Variants in NPL observed in about 807,000 individuals in gnomAD.
The protein encoded by NPL is N-acetylneuraminate pyruvate lyase, also known as N-acetylneuraminate lyase.
NPL carries 32 observed loss-of-function variants against 41.1 expected under a neutral mutation model. That is an observed-to-expected ratio of 0.78 (90% CI 0.59 to 1.05). NPL has a LOEUF of 1.05. Ranked by LOEUF, NPL falls within the 50% of genes least tolerant of loss-of-function variation. NPL has a pLI of 0.00. For synonymous variants in NPL, 128 were observed against 134.9 expected, an observed-to-expected ratio of 0.95 and a Z score of 0.35; for missense variants, 321 against 378.4, an observed-to-expected ratio of 0.85 and a Z score of 1.26.
intron 1 of NPL, among the ~76,000 whole-genome samples, chr1:182,791,094 C>A (rs1213018993): frequency 6.6e-6 from 1 of 152,134 alleles, no homozygotes; most frequent in Non-Finnish European, 1.5e-5. Flanking sequence ...CCAAAACCAC[C>A]CTGCTTAATA....
In NPL at chr1:182,818,834, A is replaced by C. The variant is rs150105454; in HGVS notation, c.628A>C (p.Met210Leu). 6.2e-7 allele frequency: 1 copy of C among 1,613,992 alleles called. No homozygotes were observed. Among genetic ancestry groups the C allele is most frequent in the African/African-American group, 1.3e-5 (1 of 74,898 alleles). Reference sequence around the variant, plus strand: ...TTAGCAACTGTTGAGTGCTCTGGTGATGGGAGCAACTGGAGCAGTGGGCAG... The same window carrying C: ...TTAGCAACTGTTGAGTGCTCTGGTGCTGGGAGCAACTGGAGCAGTGGGCAG... ...VDEQLLSALV[M>L]GATGAVGSTY... The change falls in exon 10 of 13, where the codon ATG becomes CTG. Residue 210 changes from methionine to leucine, a missense_variant. Physicochemically the swap from Met to Leu is conservative, Grantham distance 15 (BLOSUM62 2). Transcript: ENST00000367553.
chr1:182,814,793 C>A lies in NPL; in HGVS notation c.299C>A (p.Ala100Glu). Residue 100 changes from alanine (A) to glutamate (E), a missense_variant, in exon 7 of 13, where the codon GCA becomes GAA. By Grantham distance (107) the Ala-to-Glu change is moderately radical (BLOSUM62 -1). Coordinates refer to ENST00000367553, the MANE Select transcript of NPL (RefSeq NM_030769.3). ...LKESQELAQH[A>E]AEIGADGIAV... ...TTTCTTCCTTTAAAGGCCCAACATGCAGCAGAAATAGGAGCTGATGGCATC... is the reference window on the plus strand; with the variant it reads ...TTTCTTCCTTTAAAGGCCCAACATGAAGCAGAAATAGGAGCTGATGGCATC... 6.2e-7 allele frequency: 1 copy of A among 1,614,050 alleles called. No homozygotes were observed. The highest frequency in any genetic ancestry group is 1.1e-5 in the South Asian group (1 of 91,082).
At position 182,829,215 on chromosome 1, in the gene NPL, T is replaced by C; in HGVS notation, c.*307T>C. ...ATTAATTCCATCTGTCTTTAGGAGCTCTCATTATCTCGGTCTCTGGTTCCT... is the reference window on the plus strand; with the variant it reads ...ATTAATTCCATCTGTCTTTAGGAGCCCTCATTATCTCGGTCTCTGGTTCCT... On this transcript the variant is annotated 3_prime_UTR_variant, in exon 13 of 13. Coordinates refer to ENST00000367553, the MANE Select transcript of NPL (RefSeq NM_030769.3). 4 of 1,220,558 alleles carry C rather than the reference T, an allele frequency of 3.3e-6. No homozygotes were observed. Among genetic ancestry groups the C allele is most frequent in the Non-Finnish European group, 3.1e-6 (3 of 976,862 alleles). The allele number at this position is 1,220,558 out of a possible 1,614,324, so 75.6% of individuals were successfully genotyped here. A position where few individuals can be genotyped will look rare whatever the true frequency, so the allele number is the denominator to read the frequency against.
intron 3 of NPL, among the ~76,000 whole-genome samples, chr1:182,800,533 A>G (rs1173165911): frequency 6.7e-6 from 1 of 150,298 alleles, no homozygotes; most frequent in Non-Finnish European, 1.5e-5. Context: ...CAAATGTGGT[A>G]GCAGCCCTGG....
chr1:182,816,928 G>T, intron 8 of NPL, 122 bp downstream of exon 8: 1 of 737,556 alleles, frequency 1.4e-6, no homozygotes, highest in Non-Finnish European at 2.4e-6. Context: ...CCACTGACTG[G>T]GCAGTTCCAG....
intron 10 of NPL, among the ~76,000 whole-genome samples, chr1:182,820,023 A>G (rs767705017): frequency 1.3e-5 from 2 of 152,246 alleles, no homozygotes; most frequent in Non-Finnish European, 2.9e-5. Flanking sequence ...TCACCTCCAC[A>G]TCTTTCTGCA....
At chr1:182,806,900 G>A (rs888191927) in intron 5 of NPL, among the ~76,000 whole-genome samples, 2 of 152,088 alleles carry the variant, frequency 1.3e-5, no homozygotes, top group Admixed American at 6.5e-5. Context: ...GGAGTGCAGC[G>A]CGATCTCAGC....
At chr1:182,810,891 G>A (rs1667157452) in intron 5 of NPL, among the ~76,000 whole-genome samples, 1 of 152,152 alleles carries the variant, frequency 6.6e-6, no homozygotes, top group South Asian at 2.1e-4. Context: ...AAGGTGTTAA[G>A]TGCCTTTCTG....
chr1:182,793,667 T>C (rs895630455), intron 2 of NPL, among the ~76,000 whole-genome samples: 2 of 152,168 alleles, frequency 1.3e-5, no homozygotes, highest in Middle Eastern at 3.2e-3. Flanking sequence ...TATAAAAAGA[T>C]AGGTAAATCT....
At chr1:182,799,524 A>G (rs1028995666) in intron 3 of NPL, among the ~76,000 whole-genome samples, 8 of 152,134 alleles carry the variant, frequency 5.3e-5, no homozygotes, top group African/African-American at 1.9e-4. Context: ...ATCTCCAGAG[A>G]TATCCTGAGT....
At chr1:182,798,275 G>A (rs1023559931) in intron 3 of NPL, among the ~76,000 whole-genome samples, 4 of 149,272 alleles carry the variant, frequency 2.7e-5, no homozygotes, top group South Asian at 2.1e-4. Context: ...CGCAGCAGGC[G>A]GGAGTGCAGT....
chr1:182,823,308 A>G (rs532254147), intron 11 of NPL, among the ~76,000 whole-genome samples: 1 of 152,344 alleles, frequency 6.6e-6, no homozygotes, highest in African/African-American at 2.4e-5. Flanking sequence ...GATCAGAAGT[A>G]CAAAGTATCC....
At chr1:182,806,956 A>G (rs1028192445) in intron 5 of NPL, among the ~76,000 whole-genome samples, 1 of 152,114 alleles carries the variant, frequency 6.6e-6, no homozygotes, top group Non-Finnish European at 1.5e-5. Flanking sequence ...CCCCTGCCTC[A>G]GCCTCCCGAG....
At chr1:182,810,292 A>T (rs1026188101) in intron 5 of NPL, among the ~76,000 whole-genome samples, 2 of 152,204 alleles carry the variant, frequency 1.3e-5, no homozygotes, top group Admixed American at 6.5e-5. Flanking sequence ...AAAAATGAAC[A>T]TCGGGGTATC....
intron 12 of NPL, 108 bp downstream of exon 12, chr1:182,825,928 T>G: frequency 2.3e-6 from 2 of 872,852 alleles, no homozygotes; most frequent in East Asian, 4.8e-5. Flanking sequence ...AATGGTCTGT[T>G]GCAAGCAGAG....
At chr1:182,813,955 C>T (rs1170478919) in intron 6 of NPL, among the ~76,000 whole-genome samples, 1 of 152,228 alleles carries the variant, frequency 6.6e-6, no homozygotes, top group Non-Finnish European at 1.5e-5. Context: ...CTCCTTTTAA[C>T]TATTCTAGTT....
intron 10 of NPL, among the ~76,000 whole-genome samples, 184 bp from the exon 11 acceptor site, chr1:182,821,931 C>G (rs1026697920): frequency 1.3e-5 from 2 of 152,180 alleles, no homozygotes; most frequent in African/African-American, 4.8e-5. Flanking sequence ...CTCTGCAGTA[C>G]TGCTCAGTAT....
At chr1:182,802,609 A>G (rs1321076955) in intron 3 of NPL, among the ~76,000 whole-genome samples, 2 of 152,226 alleles carry the variant, frequency 1.3e-5, no homozygotes, top group East Asian at 3.8e-4. Flanking sequence ...TGTTCTTGGC[A>G]GGGTAACCAT....
chr1:182,829,800 A>G lies in NPL; in HGVS notation c.*892A>G. The G allele has an allele frequency of 1.5e-6, 1 of 665,638 alleles. No individual in the cohort carries two copies. The allele number at this position is 665,638 out of a possible 1,614,324, so 41.2% of individuals were successfully genotyped here. A position where few individuals can be genotyped will look rare whatever the true frequency, so the allele number is the denominator to read the frequency against. On this transcript the variant is annotated 3_prime_UTR_variant, in exon 13 of 13. Transcript: ENST00000367553. ...CACTTGCAACTAGTGACTTTTGTTT[A>G]GTGATAGAAGATTTGGGGAGGACCC...
Sources: gnomAD v4.1 joint callset for allele counts (sites outside exome capture counted in the v4.1 genomes callset) on GRCh38, gnomAD v4.1.1 for gene constraint, MANE v1.5 for transcripts, NCBI Gene and HGNC (gene_info 2026-07-23, HGNC 2026-07-21) for gene names.